WWOX: variants seen among roughly 807,000 people sequenced by gnomAD.
WWOX encodes the protein WW domain-containing oxidoreductase.
Under a neutral mutation model 46.2 loss-of-function variants are expected in WWOX, and 69 were observed. The observed-to-expected ratio is 1.49, with a 90% confidence interval of 1.23 to 1.82. WWOX has a LOEUF of 1.82. Ranked by LOEUF, WWOX falls within the 40% of genes most tolerant of loss-of-function variation. The pLI is 0.00. For missense variants in WWOX, 919 were observed against 542.6 expected (o/e 1.69, Z -6.89); for synonymous variants, 359 against 202.6 (o/e 1.77, Z -6.56).
At chr16:78,107,127 A>C (rs746849401) in intron 1 of WWOX, among the ~76,000 whole-genome samples, 3 of 152,182 alleles carry the variant, frequency 2.0e-5, no homozygotes, top group Non-Finnish European at 4.4e-5. Flanking sequence ...CTTATCATCT[A>C]GATGTTGCTG....
rs375293016 is a variant in WWOX, at chr16:78,600,650, C to T, written c.1056+167898C>T. Among the ~76,000 whole-genome samples, 133 of 152,192 alleles carry T rather than the reference C, an allele frequency of 8.7e-4. 1 individual carries two copies. Among genetic ancestry groups the T allele is most frequent in the African/African-American group, 3.1e-3 (128 of 41,522 alleles). On this transcript the variant is annotated intron_variant, in intron 8 of 8. Coordinates refer to ENST00000566780, the MANE Select transcript of WWOX (RefSeq NM_016373.4). ...GTGGCATGACTGAGACTATAATCTTCTGGATTCTTCAGGAAACCCTGGTAG... is the reference window on the plus strand; with the variant it reads ...GTGGCATGACTGAGACTATAATCTTTTGGATTCTTCAGGAAACCCTGGTAG...
chr16:78,187,008 C>T (rs953298415), intron 5 of WWOX, among the ~76,000 whole-genome samples: 1 of 152,080 alleles, frequency 6.6e-6, no homozygotes, highest in Non-Finnish European at 1.5e-5. Context: ...GCGGCTCTCT[C>T]TGTGTGTGTG....
At chr16:78,919,488 C>G (rs1597150751) in intron 8 of WWOX, among the ~76,000 whole-genome samples, 1 of 149,872 alleles carries the variant, frequency 6.7e-6, no homozygotes, top group East Asian at 2.0e-4. Context: ...CCTTAAGTGG[C>G]TTTCTTCTCT....
intron 8 of WWOX, among the ~76,000 whole-genome samples, chr16:78,725,082 A>G (rs2048793131): frequency 1.3e-5 from 2 of 152,188 alleles, no homozygotes; most frequent in Non-Finnish European, 1.5e-5. Context: ...ATATTGAATC[A>G]TGGGGGTGGT....
chr16:78,403,498 T>C (rs1047570858), intron 6 of WWOX, among the ~76,000 whole-genome samples: 6 of 152,206 alleles, frequency 3.9e-5, no homozygotes, highest in African/African-American at 1.4e-4. Context: ...TAATGTTAAT[T>C]TGTAGCAATG....
intron 8 of WWOX, among the ~76,000 whole-genome samples, chr16:78,632,386 C>T (rs917591152): frequency 2.0e-5 from 3 of 151,906 alleles, no homozygotes; most frequent in Non-Finnish European, 4.4e-5. Flanking sequence ...ATTCCGCTAC[C>T]TCCGTATTTG....
intron 8 of WWOX, among the ~76,000 whole-genome samples, chr16:78,707,796 C>T (rs28591180): frequency 6.6e-6 from 1 of 151,354 alleles, no homozygotes; most frequent in African/African-American, 2.4e-5. Context: ...GGCAGGAGAA[C>T]TGCACTCTAG....
intron 8 of WWOX, among the ~76,000 whole-genome samples, chr16:78,755,616 G>C (rs1216111214): frequency 4.6e-5 from 7 of 152,158 alleles, no homozygotes; most frequent in Admixed American, 4.6e-4. Context: ...TGGGATTCCT[G>C]TGTGATTTGT....
intron 8 of WWOX, among the ~76,000 whole-genome samples, chr16:78,528,010 T>TTTTTTTG (rs2043521575): frequency 9.4e-6 from 1 of 106,140 alleles, no homozygotes; most frequent in Non-Finnish European, 2.0e-5. Context: ...TTTTTTTTTT[T>TTTTTTTG]TTTTTTGAGA....
At chr16:78,658,666 A>G (rs1235087696) in intron 8 of WWOX, among the ~76,000 whole-genome samples, 2 of 152,124 alleles carry the variant, frequency 1.3e-5, no homozygotes, top group Non-Finnish European at 1.5e-5. Context: ...TCACATGGCC[A>G]TCTTCACTCT....
intron 8 of WWOX, among the ~76,000 whole-genome samples, chr16:78,578,450 T>C (rs2044960445): frequency 6.6e-6 from 1 of 150,626 alleles, no homozygotes; most frequent in Non-Finnish European, 1.5e-5. Flanking sequence ...CCACCATGCC[T>C]GGCTAATTTT....
chr16:78,472,946 C>G (rs1488055468), intron 8 of WWOX, among the ~76,000 whole-genome samples: 1 of 151,810 alleles, frequency 6.6e-6, no homozygotes, highest in Non-Finnish European at 1.5e-5. Context: ...AAAAAGCAAA[C>G]TAGGGCCCTT....
rs572501077 is a variant in WWOX, at chr16:79,108,920, G to GT, written c.1057-102676dup. 3.7e-3 allele frequency among the ~76,000 whole-genome samples: 540 copies of GT among 144,390 alleles called. 4 individuals are homozygous for GT. Among genetic ancestry groups the GT allele is most frequent in the East Asian group, 0.032 (160 of 4,972 alleles). The allele number at this position is 144,390 out of a possible 152,430, so 94.7% of individuals were successfully genotyped here. A position where few individuals can be genotyped will look rare whatever the true frequency, so the allele number is the denominator to read the frequency against. On this transcript the variant is annotated intron_variant, in intron 8 of 8. Transcript: ENST00000566780. ...TGTCTCAAAAAATTTAAAAAAAAAA[G>GT]TTTTTTTTTTTTAATCGCCATAATC...
chr16:78,335,429 C>T (rs918071261), intron 5 of WWOX, among the ~76,000 whole-genome samples: 11 of 152,168 alleles, frequency 7.2e-5, no homozygotes, highest in Non-Finnish European at 1.5e-4. Context: ...CTTCCAGCTC[C>T]ATCCATGTCC....
intron 8 of WWOX, among the ~76,000 whole-genome samples, chr16:78,574,868 G>C (rs1339729014): frequency 6.7e-6 from 1 of 148,866 alleles, no homozygotes; most frequent in Non-Finnish European, 1.5e-5. Context: ...ACCAGTTCTG[G>C]AGATCTAATG....
intron 8 of WWOX, among the ~76,000 whole-genome samples, chr16:78,696,407 C>G (rs7203120): frequency 0.055 from 8,313 of 152,160 alleles, 364 homozygotes; most frequent in Non-Finnish European, 0.072. Flanking sequence ...TAGATTTTTT[C>G]ACCTTTGGGA....
At chr16:78,834,862 G>T (rs546028848) in intron 8 of WWOX, among the ~76,000 whole-genome samples, 1 of 152,210 alleles carries the variant, frequency 6.6e-6, no homozygotes, top group South Asian at 2.1e-4. Context: ...TGTTCGTAAT[G>T]ACATTATTAT....
At chr16:78,391,232 C>CGATTATG (rs1187122888) in intron 6 of WWOX, among the ~76,000 whole-genome samples, 44 of 152,138 alleles carry the variant, frequency 2.9e-4, no homozygotes, top group African/African-American at 1.0e-3. Context: ...GGGAGCCCTC[C>CGATTATG]TAACCATGAT....
intron 8 of WWOX, among the ~76,000 whole-genome samples, chr16:78,906,607 G>C (rs1360553671): frequency 6.6e-6 from 1 of 152,166 alleles, no homozygotes; most frequent in Admixed American, 6.5e-5. Flanking sequence ...GGAGAAGTCA[G>C]GAGAGCAAAA....
Sources: allele counts gnomAD v4.1 joint callset (sites outside exome capture counted in the v4.1 genomes callset), GRCh38; gene constraint gnomAD v4.1.1; transcripts MANE v1.5; gene names NCBI Gene and HGNC (gene_info 2026-07-23, HGNC 2026-07-21).